The following BBX variants were observed in gnomAD, a reference collection of about 807,000 sequenced individuals.
The protein encoded by BBX is BBX high mobility group box domain containing.
Under a neutral mutation model 100.2 loss-of-function variants are expected in BBX, and 30 were observed. The observed-to-expected ratio is 0.30, with a 90% CI of 0.22 to 0.41. The LOEUF (loss-of-function observed/expected upper bound fraction) is 0.41. Among genes scored for constraint, BBX ranks in the 10% least tolerant of loss-of-function variants. The probability of loss-of-function intolerance (pLI) is 1.00; values close to 1 mark genes in which losing one functional copy is unlikely to be tolerated. For missense variants in BBX, 1,023 were observed against 1,129.8 expected (o/e 0.91, Z 1.35); for synonymous variants, 376 against 388.1 (o/e 0.97, Z 0.37).
intron 3 of BBX, among the ~76,000 whole-genome samples, chr3:107,671,738 C>T (rs892441212): frequency 5.9e-5 from 9 of 152,148 alleles, no homozygotes; most frequent in Non-Finnish European, 1.2e-4. Flanking sequence ...AACTCATTGC[C>T]TCCTTGAGAG....
At chr3:107,684,421 C>G (rs1034568798) in intron 3 of BBX, 1 of 152,014 alleles carries the variant, frequency 6.6e-6, no homozygotes, top group African/African-American at 2.4e-5. Context: ...TAAGCCCTGT[C>G]CAAGGAGATG....
intron 2 of BBX, among the ~76,000 whole-genome samples, chr3:107,642,708 A>T (rs981238848): frequency 6.6e-6 from 1 of 151,976 alleles, no homozygotes; most frequent in Non-Finnish European, 1.5e-5. Flanking sequence ...AAAAATCCTT[A>T]TTTCCTTTTT....
At chr3:107,586,311 T>A (rs1359647608) in intron 2 of BBX, among the ~76,000 whole-genome samples, 1 of 152,232 alleles carries the variant, frequency 6.6e-6, no homozygotes, top group East Asian at 1.9e-4. Flanking sequence ...TGTATGCAGT[T>A]TGTTGTACAT....
At chr3:107,722,166 C>T (rs1391039063) in intron 5 of BBX, among the ~76,000 whole-genome samples, 1 of 151,774 alleles carries the variant, frequency 6.6e-6, no homozygotes, top group Non-Finnish European at 1.5e-5. Flanking sequence ...AAATATTAGT[C>T]CATTTGCCAA....
intron 17 of BBX, among the ~76,000 whole-genome samples, chr3:107,804,546 A>G (rs1171569841): frequency 1.3e-5 from 2 of 152,230 alleles, no homozygotes; most frequent in East Asian, 1.9e-4. Context: ...TCTCATAACC[A>G]TGAAGTAAAT....
At chr3:107,783,610 T>G (rs2107868651) in intron 13 of BBX, among the ~76,000 whole-genome samples, 1 of 152,154 alleles carries the variant, frequency 6.6e-6, no homozygotes, top group Non-Finnish European at 1.5e-5. Context: ...ACTAGGATCT[T>G]TATAATCCTG....
intron 2 of BBX, among the ~76,000 whole-genome samples, chr3:107,642,642 C>T (rs1008679362): frequency 6.6e-6 from 1 of 152,148 alleles, no homozygotes; most frequent in Admixed American, 6.5e-5. Flanking sequence ...CATTCCCTAC[C>T]TCCCCCCTTT....
At chr3:107,597,512 G>A (rs767073993) in intron 2 of BBX, among the ~76,000 whole-genome samples, 19 of 152,176 alleles carry the variant, frequency 1.2e-4, no homozygotes, top group Non-Finnish European at 2.5e-4. Flanking sequence ...TTCATAATTA[G>A]TATATGAATA....
chr3:107,638,040 A>G (rs1403221923), intron 2 of BBX, among the ~76,000 whole-genome samples: 1 of 152,062 alleles, frequency 6.6e-6, no homozygotes, highest in East Asian at 1.9e-4. Context: ...CAGCCTTCCA[A>G]GTAACTGGTA....
rs1461782546 is a variant in BBX at position 107,713,993 on chromosome 3, T to TC, written c.163-2614_163-2613insC. ...TTTTTTTTTTTTTTTTTTTTTTTTTTGAGACAGAGTCTTGCTCTGTTGCCC... is the reference window on the plus strand; with the variant it reads ...TTTTTTTTTTTTTTTTTTTTTTTTTTCGAGACAGAGTCTTGCTCTGTTGCCC... On this transcript the variant is annotated intron_variant, in intron 4 of 17. Coordinates refer to ENST00000325805, the MANE Select transcript of BBX (RefSeq NM_001142568.3). Among the ~76,000 whole-genome samples, 5 of 125,740 alleles carry TC rather than the reference T, an allele frequency of 4.0e-5. No individual in the cohort carries two copies. In the Admixed American group the frequency reaches 4.1e-4, roughly 10 times the overall value. 82.5% of individuals were successfully genotyped at this position (125,740 alleles called of 152,430 possible).
chr3:107,719,877 G>C (rs925655582), intron 5 of BBX, among the ~76,000 whole-genome samples: 3 of 151,952 alleles, frequency 2.0e-5, no homozygotes, highest in Admixed American at 6.6e-5. Flanking sequence ...CCTTCTATTT[G>C]TCATTTAAAC....
At chr3:107,566,168 TC>T (rs2050891552) in intron 2 of BBX, among the ~76,000 whole-genome samples, 1 of 105,336 alleles carries the variant, frequency 9.5e-6, no homozygotes, top group Non-Finnish European at 1.8e-5. Context: ...AGAGCGAAAC[TC>T]TGTCTCAAAA....
chr3:107,612,486 T>G (rs1304094376), intron 2 of BBX, among the ~76,000 whole-genome samples: 2 of 152,176 alleles, frequency 1.3e-5, no homozygotes, highest in Non-Finnish European at 2.9e-5. Flanking sequence ...CTGTGGTTCT[T>G]GCAGATTTGT....
At chr3:107,631,954 A>G (rs2056573800) in intron 2 of BBX, among the ~76,000 whole-genome samples, 1 of 152,218 alleles carries the variant, frequency 6.6e-6, no homozygotes, top group African/African-American at 2.4e-5. Context: ...AAGTGATTTG[A>G]AAATGGTTTT....
In BBX at chr3:107,806,550, G is replaced by A. The variant is rs1000538814; in HGVS notation, c.*1093G>A. ...ATTTTGAGTTTGTGTTGTTTAGGAG[G>A]TACTGAGTCAATGATGAGGGAGGTA... On this transcript the variant is annotated 3_prime_UTR_variant, in exon 18 of 18. Transcript: ENST00000325805. 6.6e-6 allele frequency: 1 copy of A among 152,142 alleles called. No individual in the cohort carries two copies. The highest frequency in any genetic ancestry group is 2.4e-5 in the African/African-American group (1 of 41,424). The allele number at this position is 152,142 out of a possible 1,614,324, so 9.4% of individuals were successfully genotyped here. A position where few individuals can be genotyped will look rare whatever the true frequency, so the allele number is the denominator to read the frequency against.
At chr3:107,575,107 C>T (rs1386169339) in intron 2 of BBX, among the ~76,000 whole-genome samples, 1 of 152,172 alleles carries the variant, frequency 6.6e-6, no homozygotes, top group African/African-American at 2.4e-5. Flanking sequence ...TGGATAATCC[C>T]AGCCTAAAAA....
At chr3:107,618,148 T>G (rs954168809) in intron 2 of BBX, among the ~76,000 whole-genome samples, 2 of 152,026 alleles carry the variant, frequency 1.3e-5, no homozygotes, top group Middle Eastern at 3.2e-3. Flanking sequence ...TTTTTCTTCT[T>G]TATCCTGTTA....
At chr3:107,591,551 T>C (rs1036376967) in intron 2 of BBX, among the ~76,000 whole-genome samples, 6 of 152,220 alleles carry the variant, frequency 3.9e-5, no homozygotes, top group Non-Finnish European at 5.9e-5. Context: ...GCGGTAACGC[T>C]ATCAGGGCTC....
intron 2 of BBX, among the ~76,000 whole-genome samples, chr3:107,603,370 T>C (rs187718734): frequency 1.3e-5 from 2 of 151,930 alleles, no homozygotes; most frequent in South Asian, 2.1e-4. Flanking sequence ...TTTCTTGTCA[T>C]CTTATTTTTT....
Sources: gnomAD v4.1 joint callset for allele counts (sites outside exome capture counted in the v4.1 genomes callset) on GRCh38, gnomAD v4.1.1 for gene constraint, MANE v1.5 for transcripts, NCBI Gene and HGNC (gene_info 2026-07-23, HGNC 2026-07-21) for gene names.